Variants in GALNTL5 observed in about 807,000 individuals in gnomAD.
The protein encoded by GALNTL5 is polypeptide N-acetylgalactosaminyltransferase like 5, also known as inactive polypeptide N-acetylgalactosaminyltransferase-like protein 5.
GALNTL5 carries 44 observed loss-of-function variants against 51.0 expected under a neutral mutation model. That is an observed-to-expected ratio of 0.86 (90% CI 0.68 to 1.11). The LOEUF is 1.11. Among genes scored for constraint, GALNTL5 ranks in the 50% least tolerant of loss-of-function variants. GALNTL5 has a pLI of 0.00. For missense variants in GALNTL5, 528 were observed against 531.8 expected, an observed-to-expected ratio of 0.99 and a Z score of 0.07; for synonymous variants, 192 against 182.8, an observed-to-expected ratio of 1.05 and a Z score of -0.41.
intron 5 of GALNTL5, among the ~76,000 whole-genome samples, chr7:151,998,735 G>A (rs2081531478): frequency 1.4e-5 from 2 of 143,396 alleles, no homozygotes; most frequent in Non-Finnish European, 3.0e-5. Flanking sequence ...TCATGCTACT[G>A]CACTCCAGCC....
Position 151,967,291 on chromosome 7 carries a change from A to T in GALNTL5, c.45A>T (p.Thr15=), listed in dbSNP as rs1258847654. 5 of 1,613,950 alleles carry T rather than the reference A, an allele frequency of 3.1e-6. No individual in the cohort carries two copies. Among genetic ancestry groups the T allele is most frequent in the Non-Finnish European group, 4.2e-6 (5 of 1,179,822 alleles). The change falls in exon 2 of 9, where the codon ACA becomes ACT. Residue 15 remains threonine, a synonymous_variant. Coordinates refer to ENST00000392800, the MANE Select transcript of GALNTL5 (RefSeq NM_145292.4). ...IIQGLFYGSL[T]FGIWTALLFI... ...AAGGTTTATTCTATGGGTCCTTGAC[A>T]TTTGGGATCTGGACAGCTCTGTTAT...
At chr7:151,968,626 G>A (rs1025011295) in intron 2 of GALNTL5, among the ~76,000 whole-genome samples, 1 of 152,220 alleles carries the variant, frequency 6.6e-6, no homozygotes, top group African/African-American at 2.4e-5. Context: ...AACCAAGGGT[G>A]AGTGCCAGGG....
At chr7:151,968,587 G>C (rs1001342630) in intron 2 of GALNTL5, among the ~76,000 whole-genome samples, 3 of 152,176 alleles carry the variant, frequency 2.0e-5, no homozygotes, top group African/African-American at 7.2e-5. Context: ...CTTACCACTC[G>C]GATGGTGAGA....
chr7:152,018,319 T>C (rs1030586097), intron 8 of GALNTL5, among the ~76,000 whole-genome samples: 1 of 152,260 alleles, frequency 6.6e-6, no homozygotes, highest in African/African-American at 2.4e-5. Context: ...ATCAAATGTA[T>C]ACGAAAGTGC....
At chr7:151,959,059 C>T (rs1045778163) in intron 1 of GALNTL5, among the ~76,000 whole-genome samples, 1 of 152,146 alleles carries the variant, frequency 6.6e-6, no homozygotes, top group African/African-American at 2.4e-5. Context: ...TCACTCCGGT[C>T]GTGGACTCTG....
chr7:152,007,841 C>A lies in GALNTL5; in HGVS notation c.923C>A (p.Ser308Tyr). The change falls in exon 7 of 9, where the codon TCT becomes TAT. Residue 308 changes from serine to tyrosine, a missense_variant. Ser to Tyr is a moderately radical substitution (Grantham distance 144). Coordinates refer to ENST00000392800, the MANE Select transcript of GALNTL5 (RefSeq NM_145292.4). ...STKPIRSPAM[S>Y]GGIFAIRRHY... ...CCCCTTTCTAGGTCACCTGCAATGT[C>A]TGGAGGAATTTTTGCTATACGTCGG... 1 of 1,602,586 alleles carries A rather than the reference C, an allele frequency of 6.2e-7. No homozygotes were observed. Among genetic ancestry groups the A allele is most frequent in the South Asian group, 1.1e-5 (1 of 90,668 alleles).
intron 6 of GALNTL5, among the ~76,000 whole-genome samples, chr7:152,006,024 C>T (rs2081637614): frequency 6.6e-6 from 1 of 151,744 alleles, no homozygotes; most frequent in South Asian, 2.1e-4. Context: ...AGCCCTGAGC[C>T]CTGGGTGCTT....
chr7:151,998,035 C>G (rs1447329512), intron 5 of GALNTL5, among the ~76,000 whole-genome samples: 5 of 152,054 alleles, frequency 3.3e-5, no homozygotes. Context: ...GACACCATCT[C>G]TACAAAAATT....
chr7:152,017,850 T>A (rs2081838718), intron 8 of GALNTL5, among the ~76,000 whole-genome samples: 1 of 152,138 alleles, frequency 6.6e-6, no homozygotes. Flanking sequence ...ATTCTTTTTT[T>A]TTTTCTTTCT....
chr7:152,019,912 TA>T lies in GALNTL5; in HGVS notation c.*118del. On this transcript the variant is annotated 3_prime_UTR_variant, in exon 9 of 9. Transcript: ENST00000392800. ...ATCGTGGAATTACGTGAAATGCAAT[TA>T]AAAAAATATGACCAGACGTGAGTGC... 2.2e-6 allele frequency: 2 copies of T among 908,480 alleles called. No homozygotes were observed. Among genetic ancestry groups the T allele is most frequent in the Non-Finnish European group, 3.3e-6 (2 of 605,952 alleles). 56.3% of individuals were successfully genotyped at this position (908,480 alleles called of 1,614,324 possible). A position where few individuals can be genotyped will look rare whatever the true frequency, so the allele number is the denominator to read the frequency against.
chr7:152,010,333 G>T (rs1046298126), intron 7 of GALNTL5, among the ~76,000 whole-genome samples: 1 of 152,028 alleles, frequency 6.6e-6, no homozygotes, highest in Non-Finnish European at 1.5e-5. Flanking sequence ...GGATGGTCTT[G>T]ATCTTCTGAC....
intron 5 of GALNTL5, among the ~76,000 whole-genome samples, chr7:151,999,783 C>A (rs1006384841): frequency 6.6e-6 from 1 of 152,108 alleles, no homozygotes; most frequent in African/African-American, 2.4e-5. Context: ...GTGTGTGCTG[C>A]CAATAGTATG....
At chr7:151,997,794 C>T (rs2081519038) in intron 5 of GALNTL5, among the ~76,000 whole-genome samples, 1 of 152,064 alleles carries the variant, frequency 6.6e-6, no homozygotes, top group African/African-American at 2.4e-5. Flanking sequence ...GTTTTTGTTG[C>T]AGTTGTTGTT....
chr7:152,017,329 A>G (rs2151963520), intron 8 of GALNTL5, among the ~76,000 whole-genome samples: 1 of 152,318 alleles, frequency 6.6e-6, no homozygotes, highest in Non-Finnish European at 1.5e-5. Context: ...ATCTAAACAT[A>G]TCTAAATAAA....
At chr7:151,979,984 A>C (rs1287148748) in intron 3 of GALNTL5, among the ~76,000 whole-genome samples, 1 of 152,224 alleles carries the variant, frequency 6.6e-6, no homozygotes, top group Non-Finnish European at 1.5e-5. Flanking sequence ...GTCATCCTGG[A>C]CCACCACTTC....
At chr7:151,974,412 G>C (rs577726074) in intron 3 of GALNTL5, among the ~76,000 whole-genome samples, 2 of 152,198 alleles carry the variant, frequency 1.3e-5, no homozygotes, top group South Asian at 4.2e-4. Flanking sequence ...CAGACAAAAA[G>C]GGCCAATATT....
At chr7:151,973,963 A>C (rs4370445) in intron 3 of GALNTL5, among the ~76,000 whole-genome samples, 109,750 of 151,972 alleles carry the variant, frequency 0.72, 39,868 homozygotes, top group South Asian at 0.81. Context: ...TTTAAAGTGG[A>C]AGTTTCCCCC....
intron 7 of GALNTL5, among the ~76,000 whole-genome samples, chr7:152,011,403 G>A (rs2081736451): frequency 6.6e-6 from 1 of 152,238 alleles, no homozygotes; most frequent in South Asian, 2.1e-4. Context: ...GCAAAACAGA[G>A]GCTGGCCTCA....
At chr7:151,993,609 C>G (rs1174787262) in intron 5 of GALNTL5, among the ~76,000 whole-genome samples, 2 of 152,070 alleles carry the variant, frequency 1.3e-5, no homozygotes, top group East Asian at 1.9e-4. Flanking sequence ...TTCACAATGT[C>G]TATGTGTATT....
Sources: allele counts gnomAD v4.1 joint callset (sites outside exome capture counted in the v4.1 genomes callset), GRCh38; gene constraint gnomAD v4.1.1; transcripts MANE v1.5; gene names NCBI Gene and HGNC (gene_info 2026-07-23, HGNC 2026-07-21).